The following CTNNA2 variants were observed in gnomAD, a reference collection of about 807,000 sequenced individuals.
The protein encoded by CTNNA2 is catenin alpha-2.
CTNNA2 carries 42 observed loss-of-function variants against 101.0 expected under a neutral mutation model. That is an observed-to-expected ratio of 0.42 (90% CI 0.32 to 0.54). The LOEUF is 0.54. Among genes scored for constraint, CTNNA2 ranks in the 20% least tolerant of loss-of-function variants. The probability of loss-of-function intolerance (pLI) is 0.14; values close to 1 mark genes in which losing one functional copy is unlikely to be tolerated. For missense variants in CTNNA2, 871 were observed against 1,223.1 expected (o/e 0.71, Z 4.29); for synonymous variants, 450 against 456.4 (o/e 0.99, Z 0.18).
chr2:79,215,153 G>A (rs1368253891), intron 2 of CTNNA2, among the ~76,000 whole-genome samples: 2 of 152,190 alleles, frequency 1.3e-5, no homozygotes, highest in Non-Finnish European at 2.9e-5. Context: ...GGCTCTGGGA[G>A]TGGCTGCCAG....
intron 7 of CTNNA2, among the ~76,000 whole-genome samples, chr2:79,952,332 A>G (rs1303585429): frequency 6.6e-6 from 1 of 152,182 alleles, no homozygotes; most frequent in Non-Finnish European, 1.5e-5. Context: ...AAGCAAAGCA[A>G]CAACAACAAC....
At chr2:79,424,408 T>G (rs1037656281) in intron 4 of CTNNA2, among the ~76,000 whole-genome samples, 1 of 152,142 alleles carries the variant, frequency 6.6e-6, no homozygotes, top group African/African-American at 2.4e-5. Flanking sequence ...GACCAGTACA[T>G]AGCAGAGCAG....
chr2:79,644,122 CT>C (rs1211233998), intron 1 of CTNNA2, among the ~76,000 whole-genome samples: 2 of 152,160 alleles, frequency 1.3e-5, no homozygotes, highest in Non-Finnish European at 2.9e-5. Context: ...ACTGCAACCT[CT>C]GCCTACCGGG....
At chr2:79,731,403 G>T (rs1687186641) in intron 2 of CTNNA2, among the ~76,000 whole-genome samples, 1 of 151,994 alleles carries the variant, frequency 6.6e-6, no homozygotes. Flanking sequence ...AACTTTTTCT[G>T]ACTTCTGAAA....
intron 2 of CTNNA2, chr2:79,687,688 T>G: frequency 1.8e-6 from 1 of 543,840 alleles, no homozygotes; most frequent in Non-Finnish European, 3.3e-6. Flanking sequence ...CTTAAAAAAC[T>G]GGATGAAATA....
intron 2 of CTNNA2, among the ~76,000 whole-genome samples, chr2:79,246,115 C>G (rs986732118): frequency 2.0e-5 from 3 of 152,158 alleles, no homozygotes; most frequent in Admixed American, 6.5e-5. Flanking sequence ...GGAAAGAGCT[C>G]AAGATTGGGA....
intron 4 of CTNNA2, among the ~76,000 whole-genome samples, chr2:79,385,183 G>A (rs927175238): frequency 4.6e-5 from 7 of 152,120 alleles, no homozygotes; most frequent in African/African-American, 1.7e-4. Context: ...CTAGTGTATT[G>A]GGTCTTGAGG....
At chr2:79,376,374 A>G (rs999094103) in intron 4 of CTNNA2, among the ~76,000 whole-genome samples, 2 of 152,112 alleles carry the variant, frequency 1.3e-5, no homozygotes, top group African/African-American at 4.8e-5. Flanking sequence ...GTTTTTGCTT[A>G]AAAACCTCCT....
At chr2:79,809,667 T>C (rs1324836956) in intron 3 of CTNNA2, among the ~76,000 whole-genome samples, 1 of 152,220 alleles carries the variant, frequency 6.6e-6, no homozygotes, top group Non-Finnish European at 1.5e-5. Context: ...TTAAGTTCTT[T>C]GTAGATTCTG....
intron 1 of CTNNA2, among the ~76,000 whole-genome samples, chr2:79,582,500 T>C (rs375294702): frequency 1.3e-5 from 2 of 152,322 alleles, no homozygotes; most frequent in South Asian, 4.1e-4. Context: ...TGCTCAAATA[T>C]GGATCTCTTA....
chr2:80,279,140 G>A (rs1175787292), intron 7 of CTNNA2, among the ~76,000 whole-genome samples: 5 of 148,660 alleles, frequency 3.4e-5, no homozygotes, highest in Non-Finnish European at 7.4e-5. Context: ...AATAATGAAG[G>A]GAAACTAGGA....
At chr2:79,915,306 A>AACAC (rs10547196) in intron 7 of CTNNA2, among the ~76,000 whole-genome samples, 4 of 149,324 alleles carry the variant, frequency 2.7e-5, no homozygotes, top group African/African-American at 9.9e-5. Flanking sequence ...CACACACACA[A>AACAC]ACACACACAC....
chr2:80,634,084 C>G (rs1193132250), intron 18 of CTNNA2, among the ~76,000 whole-genome samples: 1 of 152,092 alleles, frequency 6.6e-6, no homozygotes, highest in Non-Finnish European at 1.5e-5. Flanking sequence ...GTCCTATTTC[C>G]CCACCCATAA....
At chr2:79,261,167 C>T (rs1235795977) in intron 2 of CTNNA2, among the ~76,000 whole-genome samples, 1 of 152,132 alleles carries the variant, frequency 6.6e-6, no homozygotes, top group Non-Finnish European at 1.5e-5. Flanking sequence ...CAACCATCCA[C>T]CACTGTACAG....
At chr2:79,411,432 G>T (rs191086201) in intron 4 of CTNNA2, among the ~76,000 whole-genome samples, 6 of 151,916 alleles carry the variant, frequency 3.9e-5, no homozygotes, top group African/African-American at 9.6e-5. Context: ...TCTGTTGTGG[G>T]CATTTAGTGC....
chr2:79,660,259 GTA>G (rs764813225), intron 2 of CTNNA2, among the ~76,000 whole-genome samples: 8,566 of 148,934 alleles, frequency 0.058, 304 homozygotes, highest in Non-Finnish European at 0.072. Flanking sequence ...ATATACATAT[GTA>G]TGTATATACA....
At chr2:79,483,779 C>T (rs1671132212) in intron 4 of CTNNA2, among the ~76,000 whole-genome samples, 1 of 152,098 alleles carries the variant, frequency 6.6e-6, no homozygotes, top group Admixed American at 6.6e-5. Context: ...GTGGTGTATA[C>T]GTATGCCACA....
intron 15 of CTNNA2, among the ~76,000 whole-genome samples, chr2:80,597,345 A>AC (rs1246981293): frequency 1.3e-5 from 2 of 152,158 alleles, no homozygotes; most frequent in Non-Finnish European, 2.9e-5. Flanking sequence ...AAAACCCAAA[A>AC]CCAAACAAAC....
rs138773193 is a variant in CTNNA2 at position 80,213,510 on chromosome 2, G to T, written c.1057-179701G>T. 4.6e-3 allele frequency among the ~76,000 whole-genome samples: 698 copies of T among 152,272 alleles called. 4 individuals are homozygous for T. The highest frequency in any genetic ancestry group is 0.016 in the African/African-American group (658 of 41,550). ...CAGGAGCACATTGTTCAGTTTCCAC[G>T]TAGTTGAGCAGTTTTGAGTGAGTTT... On this transcript the variant is annotated intron_variant, in intron 7 of 18. Transcript: ENST00000402739.
Sources: gnomAD v4.1 joint callset for allele counts (sites outside exome capture counted in the v4.1 genomes callset) on GRCh38, gnomAD v4.1.1 for gene constraint, MANE v1.5 for transcripts, NCBI Gene and HGNC (gene_info 2026-07-23, HGNC 2026-07-21) for gene names.